The following GRM7 variants were observed in gnomAD, a reference collection of about 807,000 sequenced individuals.
The protein encoded by GRM7 is metabotropic glutamate receptor 7.
Under a neutral mutation model 84.5 loss-of-function variants are expected in GRM7, and 35 were observed. The observed-to-expected ratio is 0.41, with a 90% CI of 0.32 to 0.55. The LOEUF (loss-of-function observed/expected upper bound fraction) is 0.55. GRM7 is among the 20% of genes least tolerant of loss of function. GRM7 has a pLI of 0.19. For missense variants in GRM7, 1,003 were observed against 1,194.6 expected (o/e 0.84, Z 2.36); for synonymous variants, 487 against 455.1 (o/e 1.07, Z -0.89).
chr3:7,314,597 G>A (rs923759566), intron 4 of GRM7, among the ~76,000 whole-genome samples: 3 of 152,000 alleles, frequency 2.0e-5, no homozygotes, highest in Admixed American at 2.0e-4. Context: ...CAATAATAGG[G>A]GTGGTAAAAG....
At chr3:7,550,409 T>A (rs1693394725) in intron 7 of GRM7, among the ~76,000 whole-genome samples, 1 of 144,034 alleles carries the variant, frequency 6.9e-6, no homozygotes, top group African/African-American at 2.7e-5. Flanking sequence ...TTCTTTTCTC[T>A]CTCTCTCCCT....
chr3:7,564,008 A>G (rs1288591914), intron 7 of GRM7, among the ~76,000 whole-genome samples: 1 of 152,186 alleles, frequency 6.6e-6, no homozygotes, highest in Admixed American at 6.5e-5. Flanking sequence ...ATGAAGAGAA[A>G]GCAGAGTAAA....
chr3:7,598,641 A>T (rs1469508114), intron 8 of GRM7, among the ~76,000 whole-genome samples: 1 of 152,236 alleles, frequency 6.6e-6, no homozygotes, highest in East Asian at 1.9e-4. Flanking sequence ...TGGAACAATT[A>T]TAACATTAAT....
chr3:7,517,202 A>C (rs1488888955), intron 7 of GRM7, among the ~76,000 whole-genome samples: 1 of 152,228 alleles, frequency 6.6e-6, no homozygotes, highest in Non-Finnish European at 1.5e-5. Context: ...ATTGAGGTAG[A>C]TGCAGAGAAG....
At chr3:7,088,067 A>G (rs1351554565) in intron 1 of GRM7, among the ~76,000 whole-genome samples, 1 of 152,204 alleles carries the variant, frequency 6.6e-6, no homozygotes, top group Non-Finnish European at 1.5e-5. Flanking sequence ...GAGAATGACC[A>G]TCCTTAGTTA....
At chr3:6,935,570 T>G (rs1039457202) in intron 1 of GRM7, among the ~76,000 whole-genome samples, 3 of 151,936 alleles carry the variant, frequency 2.0e-5, no homozygotes, top group Non-Finnish European at 4.4e-5. Context: ...CTGAGCCTTT[T>G]ACATAGTATT....
intron 4 of GRM7, among the ~76,000 whole-genome samples, chr3:7,407,531 T>C (rs530762336): frequency 8.5e-5 from 13 of 152,218 alleles, no homozygotes; most frequent in Admixed American, 2.0e-4. Flanking sequence ...ACTGAACCAT[T>C]TTAAAATGTT....
intron 1 of GRM7, among the ~76,000 whole-genome samples, chr3:7,114,518 A>C (rs765460439): frequency 6.6e-6 from 1 of 152,212 alleles, no homozygotes; most frequent in African/African-American, 2.4e-5. Flanking sequence ...AGGATTAAAC[A>C]TGCACATCTG....
At chr3:6,959,505 CCTTTGTGATG>C (rs1377938792) in intron 1 of GRM7, among the ~76,000 whole-genome samples, 1 of 151,878 alleles carries the variant, frequency 6.6e-6, no homozygotes, top group Non-Finnish European at 1.5e-5. Flanking sequence ...ATTACATTAC[CCTTTGTGATG>C]CTCTGTGAGG....
intron 1 of GRM7, among the ~76,000 whole-genome samples, chr3:6,946,884 A>AT (rs1698101980): frequency 6.6e-6 from 1 of 152,088 alleles, no homozygotes; most frequent in South Asian, 2.1e-4. Context: ...AAAGCTTGTG[A>AT]TTTTTGCACA....
chr3:7,676,624 G>A (rs1365025569), intron 8 of GRM7, among the ~76,000 whole-genome samples: 1 of 152,004 alleles, frequency 6.6e-6, no homozygotes, highest in Non-Finnish European at 1.5e-5. Context: ...ACACCTGGTG[G>A]GGTTTTGCCA....
intron 1 of GRM7, among the ~76,000 whole-genome samples, chr3:6,969,360 T>C (rs1693648896): frequency 1.3e-5 from 2 of 152,188 alleles, no homozygotes; most frequent in Non-Finnish European, 2.9e-5. Flanking sequence ...TAGCAGGTAG[T>C]TATCATTATC....
intron 1 of GRM7, among the ~76,000 whole-genome samples, chr3:6,938,347 T>C (rs754871793): frequency 9.9e-5 from 15 of 152,082 alleles, no homozygotes; most frequent in Non-Finnish European, 2.1e-4. Flanking sequence ...TCCAGAAGTA[T>C]TACACAAAGT....
At chr3:7,055,724 T>C (rs2124961858) in intron 1 of GRM7, among the ~76,000 whole-genome samples, 1 of 151,958 alleles carries the variant, frequency 6.6e-6, no homozygotes, top group Non-Finnish European at 1.5e-5. Flanking sequence ...TTTCACCATG[T>C]TTGCTACGCT....
intron 1 of GRM7, among the ~76,000 whole-genome samples, chr3:7,145,408 G>A (rs1366511945): frequency 2.0e-5 from 3 of 152,188 alleles, no homozygotes; most frequent in Admixed American, 6.5e-5. Context: ...TAGCATAGGA[G>A]TTCTGAAGTT....
intron 8 of GRM7, among the ~76,000 whole-genome samples, chr3:7,582,708 G>A (rs1055773725): frequency 6.6e-6 from 1 of 151,968 alleles, no homozygotes; most frequent in Non-Finnish European, 1.5e-5. Flanking sequence ...GGGAGCCTTC[G>A]GTCACTAAAT....
intron 8 of GRM7, among the ~76,000 whole-genome samples, chr3:7,655,951 C>A (rs1699160523): frequency 6.6e-6 from 1 of 152,278 alleles, no homozygotes; most frequent in Middle Eastern, 3.4e-3. Flanking sequence ...GCTATGTGAT[C>A]ATATTCACAT....
chr3:7,548,479 A>C (rs1693279905), intron 7 of GRM7, among the ~76,000 whole-genome samples: 1 of 152,232 alleles, frequency 6.6e-6, no homozygotes, highest in African/African-American at 2.4e-5. Flanking sequence ...GTGTTTCTCT[A>C]TAGCAACACA....
chr3:7,417,359 G>A (rs1575306696), intron 5 of GRM7, among the ~76,000 whole-genome samples: 3 of 152,134 alleles, frequency 2.0e-5, no homozygotes, highest in African/African-American at 7.2e-5. Flanking sequence ...TGATATGGTG[G>A]TCATATTTTG....
Sources: allele counts gnomAD v4.1 joint callset (sites outside exome capture counted in the v4.1 genomes callset), GRCh38; gene constraint gnomAD v4.1.1; transcripts MANE v1.5; gene names NCBI Gene and HGNC (gene_info 2026-07-23, HGNC 2026-07-21).